Variants in KIF4A observed in about 807,000 individuals in gnomAD.
KIF4A encodes the protein kinesin family member 4A.
A neutral mutation model predicts 105.9 loss-of-function variants in KIF4A; 7 were observed. That is an observed-to-expected ratio of 0.07 (90% CI 0.04 to 0.12). KIF4A has a LOEUF of 0.12. Among genes scored for constraint, KIF4A ranks in the 10% least tolerant of loss-of-function variants. The pLI is 1.00. For synonymous variants in KIF4A, 281 were observed against 331.3 expected (o/e 0.85, Z 1.65); for missense variants, 558 against 929.2 (o/e 0.60, Z 5.19).
At chrX:70,418,888 T>C (rs1245141142) in intron 29 of KIF4A, among the ~76,000 whole-genome samples, 1 of 110,429 alleles carries the variant, frequency 9.1e-6, no homozygotes, top group East Asian at 2.9e-4. Context: ...ATCAAGACCA[T>C]CCCGGCTAAC....
intron 7 of KIF4A, among the ~76,000 whole-genome samples, chrX:70,303,374 T>C (rs1349785688): frequency 2.7e-5 from 3 of 112,440 alleles, no homozygotes; most frequent in African/African-American, 6.5e-5. Context: ...GTCCAAGATA[T>C]TTGAACTCTT....
At chrX:70,334,309 G>A (rs967779313) in intron 10 of KIF4A, among the ~76,000 whole-genome samples, 1 of 111,990 alleles carries the variant, frequency 8.9e-6, no homozygotes, top group African/African-American at 3.2e-5. Context: ...ATCTACCTGT[G>A]TAGTAACGTA....
intron 22 of KIF4A, among the ~76,000 whole-genome samples, chrX:70,399,727 C>T (rs1368132931): frequency 2.2e-5 from 2 of 92,681 alleles, no homozygotes; most frequent in Non-Finnish European, 4.1e-5. Flanking sequence ...CGCATGTTCT[C>T]ACTCATAGGT....
chrX:70,415,643 A>G (rs1355134422), intron 28 of KIF4A, among the ~76,000 whole-genome samples: 1 of 108,534 alleles, frequency 9.2e-6, no homozygotes, highest in African/African-American at 3.4e-5. Context: ...TAAGAGACAT[A>G]CATAGGAATG....
intron 20 of KIF4A, among the ~76,000 whole-genome samples, chrX:70,393,228 T>G (rs1338704517): frequency 4.5e-5 from 5 of 111,516 alleles, no homozygotes; most frequent in Admixed American, 2.9e-4. Flanking sequence ...TTCCAAATGT[T>G]TGGGGATTTT....
chrX:70,393,502 C>T (rs1389147317), intron 20 of KIF4A, among the ~76,000 whole-genome samples: 1 of 111,402 alleles, frequency 9.0e-6, no homozygotes, highest in Non-Finnish European at 1.9e-5. Context: ...TCTGCATACT[C>T]GTCCTATCAA....
intron 15 of KIF4A, among the ~76,000 whole-genome samples, 158 bp from the exon 16 acceptor site, chrX:70,373,993 A>G (rs1019667587): frequency 7.5e-5 from 8 of 106,751 alleles, no homozygotes; most frequent in Non-Finnish European, 1.2e-4. Flanking sequence ...TTCCTACTAC[A>G]TAATTTTAAT....
intron 10 of KIF4A, among the ~76,000 whole-genome samples, chrX:70,335,825 T>G (rs1470985841): frequency 8.9e-6 from 1 of 111,740 alleles, no homozygotes; most frequent in Non-Finnish European, 1.9e-5. Context: ...AGAAACTACT[T>G]AATGCATACA....
chrX:70,373,846 A>ACG (rs1491572254), intron 15 of KIF4A, among the ~76,000 whole-genome samples: 1 of 94,002 alleles, frequency 1.1e-5, no homozygotes, highest in East Asian at 3.3e-4. Context: ...ACACACACAC[A>ACG]TACACACACA....
intron 15 of KIF4A, among the ~76,000 whole-genome samples, chrX:70,368,033 T>C (rs2086112323): frequency 8.9e-6 from 1 of 112,171 alleles, no homozygotes; most frequent in African/African-American, 3.2e-5. Flanking sequence ...TTTCTTCAAG[T>C]TGATCACGTC....
intron 15 of KIF4A, among the ~76,000 whole-genome samples, chrX:70,371,553 C>T (rs1354225622): frequency 3.8e-5 from 4 of 105,910 alleles, no homozygotes; most frequent in South Asian, 4.3e-4. Context: ...TAGGGGCGGC[C>T]GGGCAGAGGC....
intron 7 of KIF4A, among the ~76,000 whole-genome samples, chrX:70,327,676 A>G (rs1909585439): frequency 9.0e-6 from 1 of 111,728 alleles, no homozygotes; most frequent in Non-Finnish European, 1.9e-5. Context: ...GTTAGATTAG[A>G]AGGTTAGTAA....
intron 23 of KIF4A, among the ~76,000 whole-genome samples, chrX:70,403,100 T>C (rs1318412507): frequency 1.8e-5 from 2 of 112,297 alleles, no homozygotes; most frequent in African/African-American, 3.2e-5. Context: ...TTTTGACATA[T>C]AAAGATTCAT....
chrX:70,319,397 T>A (rs960150029), intron 7 of KIF4A, among the ~76,000 whole-genome samples: 6 of 112,312 alleles, frequency 5.3e-5, no homozygotes, highest in Non-Finnish European at 9.4e-5. Flanking sequence ...CTGTTTTTTT[T>A]ATACATGATA....
chrX:70,405,598 G>A (rs1224080552), intron 25 of KIF4A, among the ~76,000 whole-genome samples: 3 of 111,224 alleles, frequency 2.7e-5, no homozygotes, highest in Non-Finnish European at 5.7e-5. Context: ...CAGAGTCCAC[G>A]GTTCCTATGA....
intron 22 of KIF4A, among the ~76,000 whole-genome samples, chrX:70,398,922 A>G (rs2086270170): frequency 8.9e-6 from 1 of 111,966 alleles, no homozygotes; most frequent in Non-Finnish European, 1.9e-5. Context: ...ATAGTGGGCT[A>G]AAGTGCTGAC....
At position 70,376,090 on chromosome X, in the gene KIF4A, G is replaced by T. The variant is rs765919364; in HGVS notation, c.1924-10G>T. On this transcript the variant is annotated splice_polypyrimidine_tract_variant and intron_variant, in intron 17 of 30. Coordinates refer to ENST00000374403, the MANE Select transcript of KIF4A (RefSeq NM_012310.5). ...ATGACTAATACTTTTGCTGGTTTTTGTTTTTATAGATGATGAAAAACCAGC... is the reference window on the plus strand; with the variant it reads ...ATGACTAATACTTTTGCTGGTTTTTTTTTTTATAGATGATGAAAAACCAGC... 2.2e-5 allele frequency: 26 copies of T among 1,163,678 alleles called. No individual in the cohort carries two copies. The highest frequency in any genetic ancestry group is 7.1e-5 in the African/African-American group (4 of 56,136).
intron 29 of KIF4A, among the ~76,000 whole-genome samples, chrX:70,418,435 C>T (rs1290367822): frequency 9.0e-6 from 1 of 111,702 alleles, no homozygotes; most frequent in Non-Finnish European, 1.9e-5. Flanking sequence ...TCGAGACATT[C>T]GTTACCTAGA....
rs1445361937 is a variant in KIF4A, at chrX:70,420,229, C to T, written c.3663C>T (p.Phe1221=). The T allele has an allele frequency of 1.7e-6, 2 of 1,210,287 alleles. No individual in the cohort carries two copies. Among genetic ancestry groups the T allele is most frequent in the Admixed American group, 2.2e-5 (1 of 45,872 alleles). ...CTCTGGCCAGCAACACCAGCTTCTT[C>T]TCTGGCTGCTCCCCTATCGAAGAAG... ...KRALASNTSF[F]SGCSPIEEEA... Residue 1221 remains phenylalanine (F), a synonymous_variant, in exon 31 of 31, where the codon TTC becomes TTT. Transcript: ENST00000374403.
Sources: allele counts gnomAD v4.1 joint callset (sites outside exome capture counted in the v4.1 genomes callset), GRCh38; gene constraint gnomAD v4.1.1; transcripts MANE v1.5; gene names NCBI Gene and HGNC (gene_info 2026-07-23, HGNC 2026-07-21).